Variants in PTPRD observed in about 807,000 individuals in gnomAD.
PTPRD encodes receptor-type tyrosine-protein phosphatase delta.
In PTPRD, 34 loss-of-function variants were observed where a neutral mutation model predicts 214.5. The ratio of observed to expected loss-of-function variants is 0.16; its 90% CI spans 0.12 to 0.21. PTPRD has a LOEUF of 0.21. Among genes scored for constraint, PTPRD ranks in the 10% least tolerant of loss-of-function variants. The pLI is 1.00. For missense variants in PTPRD, 2,545 were observed against 2,398.7 expected (o/e 1.06, Z -1.27); for synonymous variants, 1,128 against 845.7 (o/e 1.33, Z -5.79).
At chr9:8,482,755 T>C (rs1290727575) in intron 30 of PTPRD, among the ~76,000 whole-genome samples, 3 of 152,202 alleles carry the variant, frequency 2.0e-5, no homozygotes, top group Non-Finnish European at 4.4e-5. Flanking sequence ...TCCTTCTTCC[T>C]TCTCTTGCCA....
intron 9 of PTPRD, among the ~76,000 whole-genome samples, chr9:9,337,783 C>A (rs531364943): frequency 6.8e-4 from 103 of 152,258 alleles, no homozygotes; most frequent in African/African-American, 2.4e-3. Flanking sequence ...CTCTTGATAA[C>A]TATATTATGA....
rs199595074 is a variant in PTPRD at position 10,472,687 on chromosome 9, A to AT, written c.-599-131671dup. On this transcript the variant is annotated intron_variant, in intron 2 of 45. Coordinates refer to ENST00000381196, the MANE Select transcript of PTPRD (RefSeq NM_002839.4). ...AAAAATCCTAGATGTTCAGAAACAGATTTTTTTTTCTATTTTCCTCTGTAC... is the reference window on the plus strand; with the variant it reads ...AAAAATCCTAGATGTTCAGAAACAGATTTTTTTTTTCTATTTTCCTCTGTAC... Among the ~76,000 whole-genome samples the AT allele has an allele frequency of 2.4e-3, 368 of 151,652 alleles. 2 individuals are homozygous for AT. The highest frequency in any genetic ancestry group is 8.3e-3 in the African/African-American group (342 of 41,396).
chr9:8,742,355 T>C (rs971720250), intron 11 of PTPRD, among the ~76,000 whole-genome samples: 4 of 152,210 alleles, frequency 2.6e-5, no homozygotes, highest in African/African-American at 7.2e-5. Flanking sequence ...ATAGTTATCA[T>C]TTTTATAATG....
intron 5 of PTPRD, among the ~76,000 whole-genome samples, chr9:9,883,138 C>G (rs924785688): frequency 4.6e-5 from 7 of 152,044 alleles, no homozygotes; most frequent in African/African-American, 1.7e-4. Context: ...TACAGCAACG[C>G]AAAATGAACA....
chr9:9,627,981 GA>G (rs112369496), intron 7 of PTPRD, among the ~76,000 whole-genome samples: 3,203 of 152,184 alleles, frequency 0.021, 117 homozygotes, highest in African/African-American at 0.074. Context: ...ATGTATTCAA[GA>G]AAGTTGGATA....
intron 9 of PTPRD, among the ~76,000 whole-genome samples, chr9:9,219,274 T>A (rs926848572): frequency 6.6e-6 from 1 of 152,148 alleles, no homozygotes; most frequent in Non-Finnish European, 1.5e-5. Flanking sequence ...GATGTACAGC[T>A]TGACATAGTA....
intron 7 of PTPRD, among the ~76,000 whole-genome samples, chr9:9,600,556 G>A (rs1439898936): frequency 1.3e-5 from 2 of 152,026 alleles, no homozygotes; most frequent in African/African-American, 2.4e-5. Context: ...GTGTTCAAGA[G>A]GAAGGAGGCA....
At chr9:8,404,068 T>C (rs982845078) in intron 36 of PTPRD, among the ~76,000 whole-genome samples, 1 of 152,174 alleles carries the variant, frequency 6.6e-6, no homozygotes, top group Admixed American at 6.5e-5. Flanking sequence ...GGCCTATGTA[T>C]AATTTATTTG....
intron 31 of PTPRD, among the ~76,000 whole-genome samples, chr9:8,468,272 T>C (rs189701874): frequency 1.3e-3 from 195 of 152,110 alleles, no homozygotes; most frequent in Non-Finnish European, 2.1e-3. Flanking sequence ...TGGGCTCAGA[T>C]GACACCAAAG....
At chr9:8,387,129 T>C (rs1363074536) in intron 37 of PTPRD, among the ~76,000 whole-genome samples, 1 of 152,170 alleles carries the variant, frequency 6.6e-6, no homozygotes, top group African/African-American at 2.4e-5. Context: ...TTGGCTTCCT[T>C]AGGCCATTTA....
chr9:9,624,230 G>T (rs957937264), intron 7 of PTPRD, among the ~76,000 whole-genome samples: 7 of 151,698 alleles, frequency 4.6e-5, no homozygotes, highest in African/African-American at 1.7e-4. Context: ...CCTGTCTTCT[G>T]CTGGTTGACT....
intron 9 of PTPRD, among the ~76,000 whole-genome samples, chr9:9,333,632 A>G (rs2043249188): frequency 6.6e-6 from 1 of 151,182 alleles, no homozygotes; most frequent in African/African-American, 2.4e-5. Flanking sequence ...AAGATCTGAA[A>G]CTTATTCCAG....
intron 3 of PTPRD, among the ~76,000 whole-genome samples, chr9:10,129,916 A>C (rs897864511): frequency 6.6e-6 from 1 of 150,966 alleles, no homozygotes; most frequent in African/African-American, 2.4e-5. Context: ...AGTTTGGTTT[A>C]GTGGAAATAA....
intron 9 of PTPRD, among the ~76,000 whole-genome samples, chr9:9,305,848 C>T (rs1469765293): frequency 6.6e-6 from 1 of 152,116 alleles, no homozygotes; most frequent in East Asian, 1.9e-4. Flanking sequence ...AGCTGCAAGA[C>T]AAGAAACTCC....
At chr9:8,353,657 C>T (rs2076111366) in intron 39 of PTPRD, among the ~76,000 whole-genome samples, 1 of 151,756 alleles carries the variant, frequency 6.6e-6, no homozygotes, top group Non-Finnish European at 1.5e-5. Flanking sequence ...TGGTCTCGAA[C>T]TCCTGACTTC....
At chr9:9,060,436 A>G (rs923233816) in intron 10 of PTPRD, among the ~76,000 whole-genome samples, 1 of 152,210 alleles carries the variant, frequency 6.6e-6, no homozygotes, top group African/African-American at 2.4e-5. Context: ...GAATCTTGGG[A>G]CAGAAGAAAA....
At chr9:10,076,892 G>T (rs866027763) in intron 3 of PTPRD, among the ~76,000 whole-genome samples, 2 of 152,270 alleles carry the variant, frequency 1.3e-5, no homozygotes, top group Middle Eastern at 3.4e-3. Context: ...GACCATTGCT[G>T]TATTTGTAGA....
intron 31 of PTPRD, among the ~76,000 whole-genome samples, chr9:8,468,738 C>G (rs777322704): frequency 5.0e-5 from 7 of 140,732 alleles, no homozygotes; most frequent in Non-Finnish European, 7.6e-5. Flanking sequence ...ACTGCTTTGT[C>G]AAACCTGGCA....
rs550910451 is a variant in PTPRD at position 8,320,746 on chromosome 9, TTC to T, written c.5535-782_5535-781del. 7.6e-4 allele frequency among the ~76,000 whole-genome samples: 116 copies of T among 152,224 alleles called. 1 individual carries two copies. The highest frequency in any genetic ancestry group is 2.6e-3 in the African/African-American group (106 of 41,550). On this transcript the variant is annotated intron_variant, in intron 44 of 45. Coordinates refer to ENST00000381196, the MANE Select transcript of PTPRD (RefSeq NM_002839.4). ...AAACCACATTAGAAAGGTTTTGAGT[TTC>T]TCTCTGTTGTCTTCATTGTTTTAAG... is the stretch of plus-strand genomic sequence containing the variant.
Sources: allele counts gnomAD v4.1 joint callset (sites outside exome capture counted in the v4.1 genomes callset), GRCh38; gene constraint gnomAD v4.1.1; transcripts MANE v1.5; gene names NCBI Gene and HGNC (gene_info 2026-07-23, HGNC 2026-07-21).